GNAI2: variants seen among roughly 807,000 people sequenced by gnomAD.
The protein encoded by GNAI2 is guanine nucleotide-binding protein G(i) subunit alpha-2.
Under a neutral mutation model 36.8 loss-of-function variants are expected in GNAI2, and 4 were observed. The observed-to-expected ratio is 0.11, with a 90% CI of 0.05 to 0.25. GNAI2 has a LOEUF of 0.25. Ranked by LOEUF, GNAI2 falls within the 10% of genes least tolerant of loss-of-function variation. GNAI2 has a pLI of 1.00. For synonymous variants in GNAI2, 194 were observed against 194.1 expected, an observed-to-expected ratio of 1.00 and a Z score of 0.01; for missense variants, 230 against 481.3, an observed-to-expected ratio of 0.48 and a Z score of 4.89.
At chr3:50,227,450 G>C, upstream of GNAI2, 1 of 326,856 alleles carries the variant, frequency 3.1e-6, no homozygotes, top group Non-Finnish European at 5.6e-6. The surrounding 1 kb of genome is among the most constrained non-coding windows in gnomAD (Gnocchi z 5.9). Flanking sequence ...GCTGGGGCGC[G>C]GGGAGGTGCT....
At position 50,242,118 on chromosome 3, in the gene GNAI2, C is replaced by T. The variant is rs1553701227; in HGVS notation, c.118+5665C>T. Among the ~76,000 whole-genome samples the T allele has an allele frequency of 2.0e-5, 3 of 152,114 alleles. No individual in the cohort carries two copies. The highest frequency in any genetic ancestry group is 7.2e-5 in the African/African-American group (3 of 41,418). ...ACTCTCTCAGTCTGTCTCTAAAAGCCACCCATTCACTTGGCGGGAACAGGA... is the reference window on the plus strand; with the variant it reads ...ACTCTCTCAGTCTGTCTCTAAAAGCTACCCATTCACTTGGCGGGAACAGGA... On this transcript the variant is annotated intron_variant, in intron 1 of 8. Transcript: ENST00000313601. This position sits in a 1 kb window ranked among gnomAD's most constrained non-coding sequence, Gnocchi z 4.8.
chr3:50,232,023 T>C (rs1169962868), upstream of GNAI2, among the ~76,000 whole-genome samples: 1 of 146,804 alleles, frequency 6.8e-6, no homozygotes, highest in Non-Finnish European at 1.5e-5. Context: ...ATGGTGAGAC[T>C]TCATCTCTAT....
At position 50,252,089 on chromosome 3, in the gene GNAI2, C is replaced by T. The variant is rs1553702534; in HGVS notation, c.119-11C>T. 9 of 1,613,584 alleles carry T rather than the reference C, an allele frequency of 5.6e-6. No homozygotes were observed. Among genetic ancestry groups the T allele is most frequent in the African/African-American group, 2.7e-5 (2 of 74,928 alleles). Reference sequence around the variant, plus strand: ...GGCCTGCCCCCTGACCACCTGTGCCCTCTGTTCCAGGTGCTGGGGAGTCAG... The same window carrying T: ...GGCCTGCCCCCTGACCACCTGTGCCTTCTGTTCCAGGTGCTGGGGAGTCAG... On this transcript the variant is annotated splice_polypyrimidine_tract_variant and intron_variant, in intron 1 of 8. Transcript: ENST00000313601. The surrounding 1 kb of genome is among the most constrained non-coding windows in gnomAD (Gnocchi z 4.1).
In GNAI2 at chr3:50,256,172, C is replaced by A; in HGVS notation, c.465-20C>A. 7.4e-7 allele frequency: 1 copy of A among 1,345,648 alleles called. No homozygotes were observed. Among genetic ancestry groups the A allele is most frequent in the Non-Finnish European group, 1.0e-6 (1 of 956,398 alleles). 83.4% of individuals were successfully genotyped at this position (1,345,648 alleles called of 1,614,324 possible). Reference sequence around the variant, plus strand: ...AGCCCCATGCTGGCCCCCACTGACCCTCCCACCCCCCATCCCCAGCTACCT... The same window carrying A: ...AGCCCCATGCTGGCCCCCACTGACCATCCCACCCCCCATCCCCAGCTACCT... On this transcript the variant is annotated intron_variant, in intron 4 of 8. Transcript: ENST00000313601.
upstream of GNAI2, among the ~76,000 whole-genome samples, chr3:50,232,906 T>C (rs1402697469): frequency 6.7e-6 from 1 of 148,846 alleles, no homozygotes; most frequent in African/African-American, 2.5e-5. Flanking sequence ...CATGAAGTGG[T>C]GGAGAGCCTG....
chr3:50,243,486 G>A (rs1021497679), intron 1 of GNAI2, among the ~76,000 whole-genome samples: 3 of 152,232 alleles, frequency 2.0e-5, no homozygotes, highest in Admixed American at 6.5e-5. Flanking sequence ...GCTGGGGGGC[G>A]GACAAAGGAT....
At position 50,242,555 on chromosome 3, in the gene GNAI2, G is replaced by T. The variant is rs1700321061; in HGVS notation, c.118+6102G>T. Among the ~76,000 whole-genome samples the T allele has an allele frequency of 6.6e-6, 1 of 152,074 alleles. No individual in the cohort carries two copies. Among genetic ancestry groups the T allele is most frequent in the Admixed American group, 6.6e-5 (1 of 15,258 alleles). Reference sequence around the variant, plus strand: ...ACAGGTGCAGGGTGGAACCCCGTCTGCCCAGCCCCACCCAGCCCTTCTAGC... The same window carrying T: ...ACAGGTGCAGGGTGGAACCCCGTCTTCCCAGCCCCACCCAGCCCTTCTAGC... On this transcript the variant is annotated intron_variant, in intron 1 of 8. Coordinates refer to ENST00000313601, the MANE Select transcript of GNAI2 (RefSeq NM_002070.4). This position sits in a 1 kb window ranked among gnomAD's most constrained non-coding sequence, Gnocchi z 4.8.
chr3:50,251,798 C>T, intron 1 of GNAI2: 1 of 1,308,682 alleles, frequency 7.6e-7, no homozygotes, highest in Non-Finnish European at 9.9e-7. Flanking sequence ...CTGGCCAAGT[C>T]TCCAGCCAAG....
At chr3:50,231,717 C>T (rs1559761797), upstream of GNAI2, among the ~76,000 whole-genome samples, 2 of 152,116 alleles carry the variant, frequency 1.3e-5, no homozygotes, top group Non-Finnish European at 2.9e-5. Context: ...CTCAGAGAAG[C>T]CCAGCTCACA....
chr3:50,251,209 C>T (rs1457882554), intron 1 of GNAI2: 4 of 243,688 alleles, frequency 1.6e-5, no homozygotes, highest in African/African-American at 2.3e-5. Flanking sequence ...GGGTTCCCTC[C>T]ACCCTCTTGC....
At chr3:50,237,290 G>A (rs889967044) in intron 1 of GNAI2, among the ~76,000 whole-genome samples, 1 of 152,116 alleles carries the variant, frequency 6.6e-6, no homozygotes, top group Non-Finnish European at 1.5e-5. Context: ...AGGGGGCCAG[G>A]CCTCAGGCTT....
intron 4 of GNAI2, among the ~76,000 whole-genome samples, chr3:50,254,932 A>G (rs1252701955): frequency 6.6e-6 from 1 of 152,222 alleles, no homozygotes; most frequent in African/African-American, 2.4e-5. Flanking sequence ...CCAAGTGTGC[A>G]GCGAGTCAGG....
chr3:50,244,997 ATT>A (rs11431707), intron 1 of GNAI2, among the ~76,000 whole-genome samples: 1 of 139,854 alleles, frequency 7.2e-6, no homozygotes, highest in Non-Finnish European at 1.6e-5. Flanking sequence ...TGATGCTGTG[ATT>A]TTTTTTTTTT....
intron 1 of GNAI2, chr3:50,251,868 G>A (rs1553702514): frequency 1.8e-6 from 2 of 1,124,250 alleles, no homozygotes; most frequent in East Asian, 3.1e-5. Flanking sequence ...GCAAAGGCCT[G>A]CAGAGAGTCT....
intron 8 of GNAI2, chr3:50,258,104 T>A: frequency 6.0e-6 from 1 of 166,968 alleles, no homozygotes; most frequent in South Asian, 1.8e-4. Flanking sequence ...CATGTGCACC[T>A]CCAGCTCTTG....
chr3:50,246,491 G>A (rs1457984284), intron 1 of GNAI2, among the ~76,000 whole-genome samples: 4 of 152,192 alleles, frequency 2.6e-5, no homozygotes, highest in African/African-American at 9.7e-5. Context: ...GGTGGTGTCC[G>A]GGCTGCCTTT....
upstream of GNAI2, chr3:50,235,434 C>G (rs114978365): frequency 6.6e-6 from 1 of 152,232 alleles, no homozygotes; most frequent in Non-Finnish European, 1.5e-5. Context: ...GTTCTCCCGC[C>G]TCAGCCTCCT....
At chr3:50,251,738 G>A in intron 1 of GNAI2, 5 of 1,317,346 alleles carry the variant, frequency 3.8e-6, no homozygotes, top group Non-Finnish European at 4.0e-6. Flanking sequence ...TGCACCAGCT[G>A]CACAGGTTGG....
At position 50,242,664 on chromosome 3, in the gene GNAI2, G is replaced by C. The variant is rs1238707063; in HGVS notation, c.118+6211G>C. 2.0e-5 allele frequency among the ~76,000 whole-genome samples: 3 copies of C among 152,162 alleles called. No individual in the cohort carries two copies. The highest frequency in any genetic ancestry group is 4.4e-5 in the Non-Finnish European group (3 of 68,028). On this transcript the variant is annotated intron_variant, in intron 1 of 8. Coordinates refer to ENST00000313601, the MANE Select transcript of GNAI2 (RefSeq NM_002070.4). This position sits in a 1 kb window ranked among gnomAD's most constrained non-coding sequence, Gnocchi z 4.8. ...GGGCTGTGGCTGCTCTTGGTGGCTG[G>C]GGAGGAAGAATCTTTCTGGAATAAC...
Sources: allele counts gnomAD v4.1 joint callset (sites outside exome capture counted in the v4.1 genomes callset), GRCh38; gene constraint gnomAD v4.1.1; non-coding constraint Gnocchi (gnomAD v3.1); transcripts MANE v1.5; gene names NCBI Gene and HGNC (gene_info 2026-07-23, HGNC 2026-07-21).